Variants in FRMD6 observed in about 807,000 individuals in gnomAD.
The protein encoded by FRMD6 is FERM domain containing 6, also known as FERM domain-containing protein 6.
FRMD6 carries 37 observed loss-of-function variants against 73.2 expected under a neutral mutation model. The ratio of observed to expected loss-of-function variants is 0.51; its 90% CI spans 0.39 to 0.66. FRMD6 has a LOEUF of 0.66. Ranked by LOEUF, FRMD6 falls within the 30% of genes least tolerant of loss-of-function variation. FRMD6 has a pLI of 0.00. For missense variants in FRMD6, 714 were observed against 780.5 expected (o/e 0.91, Z 1.02); for synonymous variants, 273 against 282.2 (o/e 0.97, Z 0.33).
At chr14:51,431,698 C>A in the FRMD6 span, among the ~76,000 whole-genome samples, 2 of 152,180 alleles carry the variant, frequency 1.3e-5, no homozygotes, top group African/African-American at 4.8e-5. Flanking sequence ...CTCCCCTTAG[C>A]TATTTTCCCT....
chr14:51,418,833 C>A, the FRMD6 span, among the ~76,000 whole-genome samples: 1 of 152,232 alleles, frequency 6.6e-6, no homozygotes, highest in Non-Finnish European at 1.5e-5. Flanking sequence ...TGGGGTCCAC[C>A]CAGTTTGAGC....
At chr14:51,610,385 G>T (rs1247503887) in intron 2 of FRMD6, among the ~76,000 whole-genome samples, 1 of 147,732 alleles carries the variant, frequency 6.8e-6, no homozygotes, top group African/African-American at 2.5e-5. Context: ...AACAGAAAAA[G>T]AGATAAATGC....
intron 1 of FRMD6, among the ~76,000 whole-genome samples, chr14:51,504,427 A>T (rs892683727): frequency 1.3e-5 from 2 of 152,230 alleles, no homozygotes; most frequent in Non-Finnish European, 2.9e-5. Context: ...ACTTGCTTGA[A>T]GAAGCAGTCT....
the FRMD6 span, among the ~76,000 whole-genome samples, chr14:51,459,609 C>T: frequency 9.9e-5 from 15 of 152,030 alleles, no homozygotes; most frequent in African/African-American, 3.4e-4. Flanking sequence ...GGGCGGATCA[C>T]GAGGTCAGGA....
intron 1 of FRMD6, among the ~76,000 whole-genome samples, chr14:51,683,926 A>G (rs1487132557): frequency 1.3e-5 from 2 of 152,152 alleles, no homozygotes; most frequent in African/African-American, 4.8e-5. Context: ...TCATTTATCC[A>G]CCAGAGCAAT....
chr14:51,537,640 T>C (rs1885971377), intron 1 of FRMD6, among the ~76,000 whole-genome samples: 1 of 152,178 alleles, frequency 6.6e-6, no homozygotes, highest in Non-Finnish European at 1.5e-5. Context: ...TGAATGAGAG[T>C]TCCTGTTGCT....
chr14:51,528,601 T>C (rs1885394595), intron 1 of FRMD6, among the ~76,000 whole-genome samples: 1 of 152,172 alleles, frequency 6.6e-6, no homozygotes, highest in African/African-American at 2.4e-5. Context: ...CTCTGTCATT[T>C]ATATATTGGG....
intron 1 of FRMD6, among the ~76,000 whole-genome samples, chr14:51,548,209 A>C (rs1240482778): frequency 6.6e-6 from 1 of 152,230 alleles, no homozygotes; most frequent in East Asian, 1.9e-4. Context: ...ATAATTTTCT[A>C]AAATATAGAA....
At chr14:51,668,537 CT>C (rs1481352673) in intron 1 of FRMD6, among the ~76,000 whole-genome samples, 1 of 152,042 alleles carries the variant, frequency 6.6e-6, no homozygotes, top group Non-Finnish European at 1.5e-5. Context: ...AACCCCTGGC[CT>C]CAAGTGATCT....
intron 2 of FRMD6, among the ~76,000 whole-genome samples, chr14:51,581,052 G>A (rs1888692109): frequency 6.6e-6 from 1 of 152,184 alleles, no homozygotes; most frequent in African/African-American, 2.4e-5. Flanking sequence ...TGATAGACTG[G>A]CTGCCACAGT....
intron 1 of FRMD6, among the ~76,000 whole-genome samples, chr14:51,494,848 T>C (rs148496509): frequency 2.0e-5 from 3 of 152,346 alleles, no homozygotes; most frequent in African/African-American, 7.2e-5. Flanking sequence ...TGGTTTCTGT[T>C]TAGATAGTTG....
rs552665512 is a variant in FRMD6, at chr14:51,630,614, G to C, written c.-146-59077G>C. ...ATAAAAAAAGTAGCCAGGCATGGTG[G>C]CATGCGCCTGTAGTCCCAGCTACTT... On this transcript the variant is annotated intron_variant, in intron 2 of 14. Transcript: ENST00000356218. Among the ~76,000 whole-genome samples, 5 of 152,250 alleles carry C rather than the reference G, an allele frequency of 3.3e-5. No homozygotes were observed. The East Asian group carries it at 5.8e-4, about 18-fold the overall frequency.
Position 51,712,514 on chromosome 14 carries a change from A to AT in FRMD6, c.815dup (p.Trp274LeufsTer12). The AT allele has an allele frequency of 6.2e-7, 1 of 1,602,880 alleles. No individual in the cohort carries two copies. Among genetic ancestry groups the AT allele is most frequent in the Non-Finnish European group, 8.5e-7 (1 of 1,170,482 alleles). ...GATGAAGAGAAACAATTACTTTATGATTTCCCCTGGACAAATGTTGGAAAA... is the reference window on the plus strand; with the variant it reads ...GATGAAGAGAAACAATTACTTTATGATTTTCCCCTGGACAAATGTTGGAAAA... On this transcript the variant is annotated frameshift_variant, in exon 9 of 14. Coordinates refer to ENST00000344768, the MANE Select transcript of FRMD6 (RefSeq NM_001267046.2). LOFTEE classifies it high-confidence loss of function.
intron 1 of FRMD6, among the ~76,000 whole-genome samples, chr14:51,561,764 A>C (rs2139513901): frequency 6.6e-6 from 1 of 152,368 alleles, no homozygotes; most frequent in Non-Finnish European, 1.5e-5. Flanking sequence ...GGTCAAGGGC[A>C]TCCAAATAAT....
At chr14:51,596,088 C>T (rs1889699006) in intron 2 of FRMD6, among the ~76,000 whole-genome samples, 6 of 152,180 alleles carry the variant, frequency 3.9e-5, no homozygotes, top group Admixed American at 3.9e-4. Context: ...CCTCTCTAGC[C>T]TTTTTGATTA....
chr14:51,546,403 T>TG (rs1886466082), intron 1 of FRMD6, among the ~76,000 whole-genome samples: 1 of 139,232 alleles, frequency 7.2e-6, no homozygotes, highest in South Asian at 2.4e-4. Context: ...ACTCTTTTTT[T>TG]TTTCTTTTTT....
chr14:51,487,141 C>G (rs1240136113), upstream of FRMD6, among the ~76,000 whole-genome samples: 1 of 152,138 alleles, frequency 6.6e-6, no homozygotes, highest in East Asian at 1.9e-4. Context: ...ACCTGCTGCT[C>G]TAGCGTGTAC....
chr14:51,492,304 C>A (rs1036554041), intron 1 of FRMD6, among the ~76,000 whole-genome samples: 27 of 152,126 alleles, frequency 1.8e-4, no homozygotes, highest in African/African-American at 6.3e-4. Context: ...TGTGGTCCTA[C>A]AATTAACCAG....
In FRMD6 at chr14:51,587,489, G is replaced by C. The variant is rs111785230; in HGVS notation, c.-147+17079G>C. On this transcript the variant is annotated intron_variant, in intron 2 of 14. Transcript: ENST00000356218. The stretch of plus-strand genomic sequence containing the variant: ...CAACCCTAAATATTAGTATAGCTTA[G>C]TTAAACTTTCGTTTATTATTAAAGA... 3.1e-3 allele frequency among the ~76,000 whole-genome samples: 475 copies of C among 152,322 alleles called. 1 individual carries two copies. The highest frequency in any genetic ancestry group is 0.011 in the African/African-American group (446 of 41,566).
Sources: gnomAD v4.1 joint callset for allele counts (sites outside exome capture counted in the v4.1 genomes callset) on GRCh38, gnomAD v4.1.1 for gene constraint, MANE v1.5 for transcripts, NCBI Gene and HGNC (gene_info 2026-07-23, HGNC 2026-07-21) for gene names.